The following TMEM156 variants were observed in gnomAD, a reference collection of about 807,000 sequenced individuals.
TMEM156 encodes transmembrane protein 156.
Under a neutral mutation model 30.5 loss-of-function variants are expected in TMEM156, and 28 were observed. The ratio of observed to expected loss-of-function variants is 0.92; its 90% confidence interval spans 0.68 to 1.26. TMEM156 has a LOEUF of 1.26. Ranked by LOEUF, TMEM156 falls within the 50% of genes most tolerant of loss-of-function variation. The pLI, the probability that TMEM156 is intolerant of heterozygous loss-of-function variation, is 0.00. For missense variants in TMEM156, 351 were observed against 340.6 expected (o/e 1.03, Z -0.24); for synonymous variants, 137 against 119.9 (o/e 1.14, Z -0.93).
chr4:39,019,457 T>G (rs1714717885), intron 1 of TMEM156, among the ~76,000 whole-genome samples: 1 of 152,182 alleles, frequency 6.6e-6, no homozygotes, highest in African/African-American at 2.4e-5. Flanking sequence ...CTCATATTGT[T>G]TTTTAGAATC....
At chr4:38,988,716 T>A in intron 4 of TMEM156, 135 bp downstream of exon 4, 1 of 1,206,268 alleles carries the variant, frequency 8.3e-7, no homozygotes, top group South Asian at 1.3e-5. Flanking sequence ...TTTATCTACG[T>A]TTTTATTCCT....
At chr4:39,001,072 TCAG>T (rs1713310403) in intron 1 of TMEM156, among the ~76,000 whole-genome samples, 1 of 151,824 alleles carries the variant, frequency 6.6e-6, no homozygotes, top group African/African-American at 2.4e-5. Context: ...AACCTATCTT[TCAG>T]AAATTCCCAG....
At chr4:38,992,670 ATATATAATATAT>A (rs1412527105) in intron 3 of TMEM156, among the ~76,000 whole-genome samples, 25 of 59,210 alleles carry the variant, frequency 4.2e-4, no homozygotes, top group Middle Eastern at 7.5e-3. Flanking sequence ...TGCTACATAT[ATATATAATATAT>A]TATATAATAT....
At chr4:38,985,726 G>A (rs772198503) in intron 5 of TMEM156, among the ~76,000 whole-genome samples, 6 of 152,152 alleles carry the variant, frequency 3.9e-5, no homozygotes, top group South Asian at 4.1e-4. Context: ...AAAGAAGAGG[G>A]CTTCGTCCAT....
At chr4:38,989,658 C>T (rs1025020503) in intron 3 of TMEM156, among the ~76,000 whole-genome samples, 2 of 152,190 alleles carry the variant, frequency 1.3e-5, no homozygotes, top group African/African-American at 2.4e-5. Context: ...AGTAGCTTAG[C>T]ACGGTCTCCC....
At chr4:39,027,659 G>A (rs1037222772) in intron 1 of TMEM156, among the ~76,000 whole-genome samples, 3 of 148,502 alleles carry the variant, frequency 2.0e-5, no homozygotes, top group Middle Eastern at 3.5e-3. Flanking sequence ...AGGCTCAAGC[G>A]ATTCTCCTGC....
intron 3 of TMEM156, among the ~76,000 whole-genome samples, chr4:38,990,546 T>G (rs1401753812): frequency 6.6e-6 from 1 of 152,042 alleles, no homozygotes; most frequent in Non-Finnish European, 1.5e-5. Flanking sequence ...AGACACATGA[T>G]GGGGACCAGA....
At chr4:38,992,499 T>C (rs1011008317) in intron 3 of TMEM156, among the ~76,000 whole-genome samples, 56 of 151,416 alleles carry the variant, frequency 3.7e-4, no homozygotes, top group African/African-American at 1.3e-3. Context: ...GTAAGATTTG[T>C]CTTTTAATCT....
chr4:38,968,439 T>C (rs1350350278), intron 6 of TMEM156, among the ~76,000 whole-genome samples: 1 of 152,204 alleles, frequency 6.6e-6, no homozygotes, highest in African/African-American at 2.4e-5. Context: ...TGAGTCTTTA[T>C]TGGAATTAGG....
In TMEM156 at chr4:39,007,113, T is replaced by C. The variant is rs183714364; in HGVS notation, c.89-8204A>G. Among the ~76,000 whole-genome samples, 728 of 152,312 alleles carry C rather than the reference T, an allele frequency of 4.8e-3. 5 individuals are homozygous for C. Among genetic ancestry groups the C allele is most frequent in the African/African-American group, 0.016 (683 of 41,566 alleles). Reference sequence around the variant, plus strand: ...GTCATATAAAGTTTCCAGGTACATATAAGCGTGTTTCCGGGTTCTCAATTT... The same window carrying C: ...GTCATATAAAGTTTCCAGGTACATACAAGCGTGTTTCCGGGTTCTCAATTT... On this transcript the variant is annotated intron_variant, in intron 1 of 6. Transcript: ENST00000381938.
rs1715402983 is a variant in TMEM156, at chr4:39,029,627, T to C, written c.88+2599A>G. On this transcript the variant is annotated intron_variant, in intron 1 of 6. Coordinates refer to ENST00000381938, the MANE Select transcript of TMEM156 (RefSeq NM_024943.3). ...TACTCGGGAGGCTGAGGCAGGAGAA[T>C]GGCGTGAACCCGGGAGGCGGAGCTT... Among the ~76,000 whole-genome samples, 2 of 52,310 alleles carry C rather than the reference T, an allele frequency of 3.8e-5. 1 individual carries two copies. The allele number at this position is 52,310 out of a possible 152,430, so 34.3% of individuals were successfully genotyped here. A position where few individuals can be genotyped will look rare whatever the true frequency, so the allele number is the denominator to read the frequency against.
At chr4:39,004,167 T>A (rs115814436) in intron 1 of TMEM156, among the ~76,000 whole-genome samples, 183 of 152,218 alleles carry the variant, frequency 1.2e-3, no homozygotes, top group African/African-American at 4.2e-3. Context: ...CTGCTGAGAG[T>A]CAACATCTAA....
chr4:39,013,937 G>T (rs945123143), intron 1 of TMEM156, among the ~76,000 whole-genome samples: 3 of 152,090 alleles, frequency 2.0e-5, no homozygotes, highest in African/African-American at 7.2e-5. Flanking sequence ...GGGTCATTTA[G>T]TAAATGTTTT....
At chr4:38,977,987 A>G (rs13435456) in intron 5 of TMEM156, among the ~76,000 whole-genome samples, 35,387 of 152,096 alleles carry the variant, frequency 0.23, 6,448 homozygotes, top group African/African-American at 0.5. Flanking sequence ...GACATCTGGT[A>G]TCTAACCTCA....
chr4:38,972,903 T>A (rs1255674741), intron 5 of TMEM156, among the ~76,000 whole-genome samples: 1 of 152,222 alleles, frequency 6.6e-6, no homozygotes, highest in Non-Finnish European at 1.5e-5. Flanking sequence ...TGTGATAGTT[T>A]TTTTGCTGTG....
chr4:39,024,161 G>A (rs1715053920), intron 1 of TMEM156, among the ~76,000 whole-genome samples: 1 of 152,198 alleles, frequency 6.6e-6, no homozygotes, highest in South Asian at 2.1e-4. Flanking sequence ...TCAGCCTCCT[G>A]AGTAGCTGGG....
intron 1 of TMEM156, among the ~76,000 whole-genome samples, chr4:39,007,185 C>G (rs7663552): frequency 0.31 from 46,750 of 152,008 alleles, 7,726 homozygotes; most frequent in East Asian, 0.43. Flanking sequence ...ATCATGCTGG[C>G]AAACTACTTT....
intron 1 of TMEM156, among the ~76,000 whole-genome samples, chr4:39,031,913 A>AT (rs145578371): frequency 0.38 from 52,636 of 138,646 alleles, 10,583 homozygotes; most frequent in East Asian, 0.49. Flanking sequence ...AAATAAAAAA[A>AT]AACTGCTTTG....
chr4:39,032,184 T>A, intron 1 of TMEM156, 42 bp downstream of exon 1: 4 of 1,330,582 alleles, frequency 3.0e-6, no homozygotes, highest in Non-Finnish European at 4.2e-6. Context: ...ACTAATTTTT[T>A]TAAATTAAGA....
Sources: allele counts gnomAD v4.1 joint callset (sites outside exome capture counted in the v4.1 genomes callset), GRCh38; gene constraint gnomAD v4.1.1; transcripts MANE v1.5; gene names NCBI Gene and HGNC (gene_info 2026-07-23, HGNC 2026-07-21).